The following MDGA2 variants were observed in gnomAD, a reference collection of about 807,000 sequenced individuals.
MDGA2 encodes MAM domain containing glycosylphosphatidylinositol anchor 2, also known as MAM domain-containing glycosylphosphatidylinositol anchor protein 2.
Under a neutral mutation model 117.8 loss-of-function variants are expected in MDGA2, and 40 were observed. That is an observed-to-expected ratio of 0.34 (90% confidence interval 0.26 to 0.44). The LOEUF (loss-of-function observed/expected upper bound fraction) is 0.44. MDGA2 is among the 20% of genes least tolerant of loss of function. The probability of loss-of-function intolerance (pLI) is 1.00; values close to 1 mark genes in which losing one functional copy is unlikely to be tolerated. For missense variants in MDGA2, 1,123 were observed against 1,250.6 expected (o/e 0.90, Z 1.54); for synonymous variants, 452 against 439.0 (o/e 1.03, Z -0.37).
intron 5 of MDGA2, among the ~76,000 whole-genome samples, chr14:47,130,162 T>C (rs974788352): frequency 6.6e-6 from 1 of 152,106 alleles, no homozygotes; most frequent in Non-Finnish European, 1.5e-5. Context: ...CATGAAGTCC[T>C]TGCCCATGCC....
chr14:47,061,673 A>T, intron 6 of MDGA2, 95 bp from the exon 7 acceptor site: 1 of 1,018,588 alleles, frequency 9.8e-7, no homozygotes, highest in Non-Finnish European at 1.4e-6. Context: ...GAAATAAAGT[A>T]AAACCAAATA....
chr14:47,426,449 C>A (rs1892691137), intron 1 of MDGA2, among the ~76,000 whole-genome samples: 1 of 151,658 alleles, frequency 6.6e-6, no homozygotes, highest in African/African-American at 2.4e-5. Context: ...TTTTTTGACA[C>A]CACAAGATGA....
chr14:47,017,227 T>G (rs73241250), intron 8 of MDGA2, among the ~76,000 whole-genome samples: 2 of 149,702 alleles, frequency 1.3e-5, no homozygotes, highest in Admixed American at 6.7e-5. Flanking sequence ...ATTTTAGATC[T>G]AGAAAGGGAA....
At chr14:47,246,055 C>T (rs1887227522) in intron 2 of MDGA2, among the ~76,000 whole-genome samples, 1 of 151,794 alleles carries the variant, frequency 6.6e-6, no homozygotes, top group Non-Finnish European at 1.5e-5. Context: ...GCTCAGAGGC[C>T]AGTTTTCTCC....
At chr14:47,268,263 C>T (rs1437946439) in intron 2 of MDGA2, among the ~76,000 whole-genome samples, 4 of 151,730 alleles carry the variant, frequency 2.6e-5, no homozygotes, top group Admixed American at 1.3e-4. Context: ...TTAGTAGAGA[C>T]GGGGTTTCAC....
At chr14:47,331,692 T>C (rs1890296998) in intron 1 of MDGA2, among the ~76,000 whole-genome samples, 1 of 151,952 alleles carries the variant, frequency 6.6e-6, no homozygotes, top group Non-Finnish European at 1.5e-5. Flanking sequence ...CTATCAGGAC[T>C]AAGGGAAAGA....
At chr14:47,249,909 A>G (rs995333051) in intron 2 of MDGA2, among the ~76,000 whole-genome samples, 6 of 152,222 alleles carry the variant, frequency 3.9e-5, no homozygotes, top group African/African-American at 1.4e-4. Context: ...ATACATCTGT[A>G]ACCTGTCACT....
Position 47,096,912 on chromosome 14 carries a change from G to A in MDGA2, c.1137C>T (p.Cys379=). 2 of 1,613,260 alleles carry A rather than the reference G, an allele frequency of 1.2e-6. No homozygotes were observed. Among genetic ancestry groups the A allele is most frequent in the Non-Finnish European group, 1.7e-6 (2 of 1,179,440 alleles). The change falls in exon 6 of 17, where the codon TGC becomes TGT. Residue 379 remains cysteine (C), a synonymous_variant. Coordinates refer to ENST00000399232, the MANE Select transcript of MDGA2 (RefSeq NM_001113498.3). ...ITSDDAGTYS[C]IANNNVGNPA... is the part of the protein sequence containing the mutation. ...GGTTTCCCACATTATTATTGGCAAT[G>A]CAGCTGTAAGTACCAGCATCATCTG...
At chr14:47,411,305 G>A (rs1892367708) in intron 1 of MDGA2, among the ~76,000 whole-genome samples, 2 of 152,004 alleles carry the variant, frequency 1.3e-5, no homozygotes, top group African/African-American at 4.8e-5. Context: ...GTACACTACA[G>A]AGTATAATAT....
rs541347991 is a variant in MDGA2 at position 47,349,586 on chromosome 14, C to T, written c.281-48036G>A. Among the ~76,000 whole-genome samples, 42 of 152,246 alleles carry T rather than the reference C, an allele frequency of 2.8e-4. No homozygotes were observed. In the South Asian group the frequency reaches 6.2e-3, roughly 23 times the overall value. On this transcript the variant is annotated intron_variant, in intron 1 of 16. Coordinates refer to ENST00000399232, the MANE Select transcript of MDGA2 (RefSeq NM_001113498.3). ...AAACTTATCTTTCTTTGGCACAAAG[C>T]CTTTTTTAGGAGTATGTTGGCATTT... is the stretch of plus-strand genomic sequence containing the variant.
chr14:46,994,425 T>C (rs1464390226), intron 8 of MDGA2, among the ~76,000 whole-genome samples: 1 of 152,040 alleles, frequency 6.6e-6, no homozygotes, highest in African/African-American at 2.4e-5. Flanking sequence ...CTGCAAAGGA[T>C]TGTGTCCTCA....
At chr14:47,064,110 C>G (rs994186623) in intron 6 of MDGA2, among the ~76,000 whole-genome samples, 1 of 151,446 alleles carries the variant, frequency 6.6e-6, no homozygotes, top group African/African-American at 2.4e-5. Flanking sequence ...GATTATAAAC[C>G]CATAATCAAT....
At chr14:47,394,213 T>G (rs1287842310) in intron 1 of MDGA2, among the ~76,000 whole-genome samples, 6 of 152,178 alleles carry the variant, frequency 3.9e-5, no homozygotes, top group Non-Finnish European at 8.8e-5. Flanking sequence ...TTTGAAATTT[T>G]AAACTATCCA....
At chr14:47,674,364 G>T (rs1363771920) in intron 1 of MDGA2, among the ~76,000 whole-genome samples, 153 bp downstream of exon 1, 2 of 152,180 alleles carry the variant, frequency 1.3e-5, no homozygotes, top group Non-Finnish European at 2.9e-5. Flanking sequence ...CAGCGCGCTC[G>T]CTGCCTCTTT....
chr14:47,155,617 A>G (rs1470319349), intron 3 of MDGA2, among the ~76,000 whole-genome samples: 1 of 151,992 alleles, frequency 6.6e-6, no homozygotes, highest in East Asian at 2.0e-4. Context: ...GTCTGGCTGT[A>G]CACAGTGGCC....
intron 14 of MDGA2, among the ~76,000 whole-genome samples, chr14:46,872,922 T>A (rs1057341414): frequency 6.6e-6 from 1 of 151,890 alleles, no homozygotes; most frequent in Admixed American, 6.6e-5. Context: ...TGTGTCTTTA[T>A]CTTTGTATGC....
At chr14:46,865,960 T>C (rs1326633213) in intron 14 of MDGA2, among the ~76,000 whole-genome samples, 9 of 151,356 alleles carry the variant, frequency 5.9e-5, no homozygotes, top group Non-Finnish European at 1.3e-4. Flanking sequence ...AAAATGGCCA[T>C]ACTGCCCAAG....
intron 1 of MDGA2, among the ~76,000 whole-genome samples, chr14:47,501,842 A>G (rs1247978830): frequency 6.6e-6 from 1 of 152,210 alleles, no homozygotes; most frequent in Non-Finnish European, 1.5e-5. Context: ...CTGTGAGGCA[A>G]TACTTTTCTG....
At position 47,628,832 on chromosome 14, in the gene MDGA2, G is replaced by A. The variant is rs144215711; in HGVS notation, c.280+45685C>T. 3.3e-4 allele frequency among the ~76,000 whole-genome samples: 50 copies of A among 152,322 alleles called. No individual in the cohort carries two copies. The South Asian group carries it at 5.2e-3, about 16-fold the overall frequency. ...CTTAAGCGTAGCTTTAGAAAGTCTC[G>A]AAGGAAACTGCTGCGTTTGAGGACT... On this transcript the variant is annotated intron_variant, in intron 1 of 16. Coordinates refer to ENST00000399232, the MANE Select transcript of MDGA2 (RefSeq NM_001113498.3).
Sources: gnomAD v4.1 joint callset for allele counts (sites outside exome capture counted in the v4.1 genomes callset) on GRCh38, gnomAD v4.1.1 for gene constraint, MANE v1.5 for transcripts, NCBI Gene and HGNC (gene_info 2026-07-23, HGNC 2026-07-21) for gene names.